The following PDS5A variants were observed in gnomAD, a reference collection of about 807,000 sequenced individuals.
The protein encoded by PDS5A is PDS5 cohesin associated factor A, also known as sister chromatid cohesion protein PDS5 homolog A.
A neutral mutation model predicts 167.1 loss-of-function variants in PDS5A; 42 were observed. The ratio of observed to expected loss-of-function variants is 0.25; its 90% CI spans 0.20 to 0.33. The LOEUF (loss-of-function observed/expected upper bound fraction) is 0.33. PDS5A is among the 10% of genes least tolerant of loss of function. The probability of loss-of-function intolerance (pLI) is 1.00; values close to 1 mark genes in which losing one functional copy is unlikely to be tolerated. For synonymous variants in PDS5A, 553 were observed against 554.6 expected (o/e 1.00, Z 0.04); for missense variants, 1,033 against 1,605.9 (o/e 0.64, Z 6.10).
intron 17 of PDS5A, among the ~76,000 whole-genome samples, 194 bp from the exon 18 acceptor site, chr4:39,880,027 A>G (rs942735285): frequency 1.3e-5 from 2 of 152,184 alleles, no homozygotes; most frequent in South Asian, 4.1e-4. Context: ...AACTTAATGT[A>G]TAAGAGTAAC....
At chr4:39,834,184 CAA>C (rs34080418) in intron 32 of PDS5A, among the ~76,000 whole-genome samples, 20 of 108,262 alleles carry the variant, frequency 1.8e-4, no homozygotes, top group East Asian at 5.4e-4. Context: ...GATATTGTCT[CAA>C]AAAAAAAAAA....
At chr4:39,927,906 C>T in intron 3 of PDS5A, 55 bp downstream of exon 3, 1 of 1,183,754 alleles carries the variant, frequency 8.4e-7, no homozygotes, top group Non-Finnish European at 1.2e-6. Flanking sequence ...TAAAAGTATA[C>T]CTTCTGAACA....
At chr4:39,860,329 G>A (rs537361630) in intron 26 of PDS5A, among the ~76,000 whole-genome samples, 1 of 152,128 alleles carries the variant, frequency 6.6e-6, no homozygotes, top group East Asian at 1.9e-4. Flanking sequence ...GCTGGTTGTG[G>A]TGGTACACGT....
At chr4:39,908,200 G>A (rs540608857) in intron 11 of PDS5A, among the ~76,000 whole-genome samples, 195 bp downstream of exon 11, 66 of 152,190 alleles carry the variant, frequency 4.3e-4, no homozygotes, top group African/African-American at 1.5e-3. Context: ...ATCTCAAAAG[G>A]TATAGAATCC....
At chr4:39,912,115 G>A (rs114515374) in intron 9 of PDS5A, among the ~76,000 whole-genome samples, 498 of 152,164 alleles carry the variant, frequency 3.3e-3, no homozygotes, top group African/African-American at 0.012. Context: ...GTAATTCTCT[G>A]GCTGGCAGAG....
intron 9 of PDS5A, among the ~76,000 whole-genome samples, chr4:39,910,962 G>C (rs1434082383): frequency 2.6e-5 from 4 of 152,020 alleles, no homozygotes; most frequent in African/African-American, 9.7e-5. Context: ...GCACAGCCCT[G>C]TCTCTACAAA....
intron 2 of PDS5A, chr4:39,973,941 C>A: frequency 1.8e-6 from 1 of 547,452 alleles, no homozygotes; most frequent in South Asian, 1.9e-5. Context: ...CTGGCTAACA[C>A]GGTGAAACCC....
At chr4:39,833,211 A>AAG (rs1716082000) in intron 32 of PDS5A, among the ~76,000 whole-genome samples, 1 of 147,686 alleles carries the variant, frequency 6.8e-6, no homozygotes, top group African/African-American at 2.5e-5. Flanking sequence ...AAAAAAAAAA[A>AAG]AAAAAGAAAA....
Position 39,922,607 on chromosome 4 carries a change from TC to T in PDS5A, c.654+14del. Reference sequence around the variant, plus strand: ...TGTTAAACATTAACCTTGAATATCTTCATACTTTACAGACCTTATGTGCAGG... The same window carrying T: ...TGTTAAACATTAACCTTGAATATCTTATACTTTACAGACCTTATGTGCAGG... On this transcript the variant is annotated intron_variant, in intron 6 of 32. Transcript: ENST00000303538. 6.5e-7 allele frequency: 1 copy of T among 1,538,700 alleles called. No homozygotes were observed. Among genetic ancestry groups the T allele is most frequent in the African/African-American group, 1.4e-5 (1 of 72,392 alleles).
chr4:39,928,227 G>A, intron 2 of PDS5A, 63 bp from the exon 3 acceptor site: 2 of 1,105,180 alleles, frequency 1.8e-6, no homozygotes, highest in East Asian at 5.2e-5. Flanking sequence ...AGTGGAGGAT[G>A]TGATTTAAAA....
At chr4:39,875,283 AAC>A (rs1327035703) in intron 19 of PDS5A, among the ~76,000 whole-genome samples, 1 of 151,956 alleles carries the variant, frequency 6.6e-6, no homozygotes, top group Non-Finnish European at 1.5e-5. Context: ...AAAATAGACA[AAC>A]ACATCTAGTA....
intron 26 of PDS5A, among the ~76,000 whole-genome samples, chr4:39,856,773 G>T (rs924606869): frequency 1.3e-5 from 2 of 152,002 alleles, no homozygotes; most frequent in Non-Finnish European, 2.9e-5. Flanking sequence ...CCAAGATCAC[G>T]CCACCGCACT....
intron 19 of PDS5A, among the ~76,000 whole-genome samples, chr4:39,876,272 TGTG>T (rs1474597239): frequency 1.3e-5 from 2 of 152,184 alleles, no homozygotes; most frequent in African/African-American, 4.8e-5. Context: ...AGGGACTAAT[TGTG>T]GTAACTTTTT....
chr4:39,847,632 A>G (rs2109510711), intron 28 of PDS5A: 1 of 152,264 alleles, frequency 6.6e-6, no homozygotes, highest in Non-Finnish European at 1.5e-5. Flanking sequence ...CAGTGGATTC[A>G]ATTAGAGAGC....
intron 12 of PDS5A, among the ~76,000 whole-genome samples, chr4:39,902,765 C>T (rs923480596): frequency 3.3e-5 from 5 of 152,086 alleles, no homozygotes; most frequent in East Asian, 3.8e-4. Context: ...TCAGGCAATC[C>T]GCCTGCCTTA....
At chr4:39,868,751 T>C in intron 22 of PDS5A, 1 of 446,480 alleles carries the variant, frequency 2.2e-6, no homozygotes, top group Non-Finnish European at 4.5e-6. Context: ...ATAATAGGTG[T>C]GAAAAACAAA....
chr4:39,922,432 CATG>C (rs1725070408), intron 6 of PDS5A, among the ~76,000 whole-genome samples, 187 bp downstream of exon 6: 1 of 152,132 alleles, frequency 6.6e-6, no homozygotes, highest in African/African-American at 2.4e-5. Context: ...GAAACTCCTA[CATG>C]ATATGTTAAT....
intron 2 of PDS5A, 140 bp downstream of exon 2, chr4:39,976,300 T>A (rs1731074152): frequency 3.5e-6 from 2 of 573,490 alleles, no homozygotes; most frequent in South Asian, 6.6e-5. Context: ...AAAGATGTTA[T>A]CTGAGATACA....
In PDS5A at chr4:39,893,240, G is replaced by C. The variant is rs553396743; in HGVS notation, c.1771-2876C>G. On this transcript the variant is annotated intron_variant, in intron 16 of 32. Coordinates refer to ENST00000303538, the MANE Select transcript of PDS5A (RefSeq NM_001100399.2). ...GGTCCTTCTCTAGGGTCAAGGTGTA[G>C]AAACCTAAAACCTGAATTCTAAAGG... is the stretch of plus-strand genomic sequence containing the variant. 5.3e-5 allele frequency among the ~76,000 whole-genome samples: 8 copies of C among 152,254 alleles called. No homozygotes were observed. The South Asian group carries it at 6.2e-4, about 12-fold the overall frequency.
Sources: gnomAD v4.1 joint callset for allele counts (sites outside exome capture counted in the v4.1 genomes callset) on GRCh38, gnomAD v4.1.1 for gene constraint, MANE v1.5 for transcripts, NCBI Gene and HGNC (gene_info 2026-07-23, HGNC 2026-07-21) for gene names.